Variants in TENM2 observed in about 807,000 individuals in gnomAD.
TENM2 encodes teneurin-2.
In TENM2, 52 loss-of-function variants were observed where a neutral mutation model predicts 245.2. The observed-to-expected ratio is 0.21, with a 90% CI of 0.17 to 0.27. The LOEUF (loss-of-function observed/expected upper bound fraction) is 0.27, where lower values mean the gene tolerates loss of function less well. Among genes scored for constraint, TENM2 ranks in the 10% least tolerant of loss-of-function variants. The probability of loss-of-function intolerance (pLI) is 1.00; values close to 1 mark genes in which losing one functional copy is unlikely to be tolerated. For missense variants in TENM2, 3,046 were observed against 3,666.8 expected (o/e 0.83, Z 4.37); for synonymous variants, 1,363 against 1,438.9 (o/e 0.95, Z 1.19).
At chr5:168,034,936 T>C (rs1335487403) in intron 5 of TENM2, among the ~76,000 whole-genome samples, 2 of 152,222 alleles carry the variant, frequency 1.3e-5, no homozygotes, top group African/African-American at 4.8e-5. Context: ...ATTTAAAAAC[T>C]CAAATGATAT....
intron 3 of TENM2, among the ~76,000 whole-genome samples, chr5:167,935,133 G>T (rs1778604007): frequency 6.6e-6 from 1 of 152,170 alleles, no homozygotes; most frequent in African/African-American, 2.4e-5. Flanking sequence ...CAAACCGAGA[G>T]AGAAACAGAG....
At chr5:167,559,057 G>T (rs1773427220) in intron 2 of TENM2, among the ~76,000 whole-genome samples, 1 of 152,196 alleles carries the variant, frequency 6.6e-6, no homozygotes, top group African/African-American at 2.4e-5. Context: ...GGAGCTTAAT[G>T]AATGAACATA....
intron 2 of TENM2, among the ~76,000 whole-genome samples, chr5:167,452,964 T>TTTATATATATATATATATTTA (rs1554157789): frequency 3.7e-5 from 4 of 108,206 alleles, no homozygotes; most frequent in Non-Finnish European, 3.7e-5. Context: ...TATATATATT[T>TTTATATATATATATATATTTA]AAAAAAAAAA....
intron 2 of TENM2, among the ~76,000 whole-genome samples, chr5:167,449,509 CAGATAGATAGAT>C (rs60756285): frequency 0.28 from 39,838 of 143,718 alleles, 5,596 homozygotes; most frequent in Non-Finnish European, 0.3. Context: ...TAAAGATATG[CAGATAGATAGAT>C]AGATAGATAG....
At chr5:167,985,044 A>G (rs1393823191) in intron 4 of TENM2, among the ~76,000 whole-genome samples, 1 of 152,228 alleles carries the variant, frequency 6.6e-6, no homozygotes, top group Non-Finnish European at 1.5e-5. Context: ...CAGTAACTTT[A>G]CATGCTACAG....
chr5:167,655,046 A>G (rs1030050322), intron 2 of TENM2, among the ~76,000 whole-genome samples: 1 of 152,188 alleles, frequency 6.6e-6, no homozygotes, highest in South Asian at 2.1e-4. Context: ...TATATAAGCA[A>G]TTGTGTTAGT....
chr5:167,267,057 A>G, the TENM2 span, among the ~76,000 whole-genome samples: 2 of 152,140 alleles, frequency 1.3e-5, no homozygotes, highest in Non-Finnish European at 2.9e-5. Context: ...GTTTCCATAA[A>G]GTGTTCTAAA....
intron 4 of TENM2, among the ~76,000 whole-genome samples, chr5:167,989,298 G>GAGAGAGAGAT (rs772430462): frequency 1.3e-4 from 19 of 147,654 alleles, no homozygotes; most frequent in African/African-American, 4.3e-4. Flanking sequence ...GAGAGAGAGA[G>GAGAGAGAGAT]AGATAGATAG....
At chr5:167,937,545 G>A (rs530348629) in intron 3 of TENM2, among the ~76,000 whole-genome samples, 2 of 152,214 alleles carry the variant, frequency 1.3e-5, no homozygotes, top group South Asian at 2.1e-4. Context: ...AGTAAAACAT[G>A]TATTTCTAGC....
At chr5:167,550,319 T>C (rs945559608) in intron 2 of TENM2, among the ~76,000 whole-genome samples, 6 of 152,210 alleles carry the variant, frequency 3.9e-5, no homozygotes, top group African/African-American at 9.6e-5. Flanking sequence ...GATGTTATTA[T>C]GGTGCTGGAT....
the TENM2 span, among the ~76,000 whole-genome samples, chr5:167,174,670 G>A: frequency 1.3e-5 from 2 of 151,992 alleles, no homozygotes; most frequent in Admixed American, 6.6e-5. Context: ...CTTTGTGTGT[G>A]TAAGAGTACC....
rs575645296 is a variant in TENM2, at chr5:167,455,367, G to A, written c.502+79894G>A. On this transcript the variant is annotated intron_variant, in intron 2 of 28. Transcript: ENST00000518659. ...CTCATGTCAATCCAAATAAAATATC[G>A]AATTTCCTGAAAAAGATTGTATGAT... is the stretch of plus-strand genomic sequence containing the variant. Among the ~76,000 whole-genome samples, 7 of 151,290 alleles carry A rather than the reference G, an allele frequency of 4.6e-5. No individual in the cohort carries two copies. In the East Asian group the frequency reaches 1.2e-3, roughly 25 times the overall value.
chr5:167,522,651 C>T (rs1770841465), intron 2 of TENM2, among the ~76,000 whole-genome samples: 1 of 152,036 alleles, frequency 6.6e-6, no homozygotes. Context: ...TTAAAAGGCA[C>T]ATTTTTATAG....
At chr5:167,785,027 C>A (rs1422463465) in intron 2 of TENM2, among the ~76,000 whole-genome samples, 1 of 152,070 alleles carries the variant, frequency 6.6e-6, no homozygotes, top group African/African-American at 2.4e-5. Context: ...TTAATGCAGC[C>A]CTGCATGGCA....
At chr5:168,014,465 A>C (rs1211014731) in intron 5 of TENM2, among the ~76,000 whole-genome samples, 1 of 152,154 alleles carries the variant, frequency 6.6e-6, no homozygotes. Context: ...AACCACAGCT[A>C]TCTTCATCTC....
At chr5:167,071,319 G>A in the TENM2 span, among the ~76,000 whole-genome samples, 1 of 152,090 alleles carries the variant, frequency 6.6e-6, no homozygotes, top group African/African-American at 2.4e-5. Context: ...TGAGTAAACA[G>A]ACTTGATTAT....
At position 168,203,103 on chromosome 5, in the gene TENM2, C is replaced by T. The variant is rs563214421; in HGVS notation, c.3431-586C>T. 2.6e-5 allele frequency among the ~76,000 whole-genome samples: 4 copies of T among 152,318 alleles called. No homozygotes were observed. In the South Asian group the frequency reaches 6.2e-4, roughly 24 times the overall value. On this transcript the variant is annotated intron_variant, in intron 17 of 28. Coordinates refer to ENST00000518659, the Ensembl canonical transcript of TENM2. ...TTAAAAACAGCTTTTGGATTCTGTT[C>T]CCCATTGAATCCCCATGTAACTGGC...
chr5:167,949,698 G>C (rs747166185), intron 3 of TENM2, among the ~76,000 whole-genome samples: 1 of 152,096 alleles, frequency 6.6e-6, no homozygotes, highest in Non-Finnish European at 1.5e-5. Flanking sequence ...CTAGAAAGTG[G>C]CAGACTCAAT....
chr5:167,333,808 A>G (rs1389321381), intron 1 of TENM2, among the ~76,000 whole-genome samples: 2 of 152,174 alleles, frequency 1.3e-5, no homozygotes, highest in Non-Finnish European at 2.9e-5. Context: ...AAAATCAAAG[A>G]GATTTAGAGA....
Sources: allele counts gnomAD v4.1 joint callset (sites outside exome capture counted in the v4.1 genomes callset), GRCh38; gene constraint gnomAD v4.1.1; transcripts MANE v1.5; gene names NCBI Gene and HGNC (gene_info 2026-07-23, HGNC 2026-07-21).